The following SLC51B variants were observed in gnomAD, a reference collection of about 807,000 sequenced individuals.
SLC51B encodes the protein organic solute transporter subunit beta.
In SLC51B, 6 loss-of-function variants were observed where a neutral mutation model predicts 8.0. The observed-to-expected ratio is 0.75, with a 90% CI of 0.41 to 1.48. The LOEUF (loss-of-function observed/expected upper bound fraction) is 1.48. SLC51B is among the 40% of genes most tolerant of loss of function. The pLI is 0.01. For missense variants in SLC51B, 150 were observed against 149.7 expected, an observed-to-expected ratio of 1.00 and a Z score of -0.01; for synonymous variants, 61 against 54.8, an observed-to-expected ratio of 1.11 and a Z score of -0.50.
At chr15:65,046,542 C>T (rs562475159) in intron 1 of SLC51B, among the ~76,000 whole-genome samples, 123 of 152,248 alleles carry the variant, frequency 8.1e-4, no homozygotes, top group African/African-American at 2.9e-3. Flanking sequence ...ACTCTCGGTT[C>T]TGGATTTGTA....
At chr15:65,052,259 G>A (rs1036493580) in intron 3 of SLC51B, among the ~76,000 whole-genome samples, 1 of 152,166 alleles carries the variant, frequency 6.6e-6, no homozygotes, top group African/African-American at 2.4e-5. Flanking sequence ...AGTAGTGTGA[G>A]GGATGAGGTG....
Position 65,053,232 on chromosome 15 carries a change from C to T in SLC51B, c.*68C>T. 6.4e-7 allele frequency: 1 copy of T among 1,561,618 alleles called. No individual in the cohort carries two copies. Among genetic ancestry groups the T allele is most frequent in the Non-Finnish European group, 8.6e-7 (1 of 1,158,894 alleles). On this transcript the variant is annotated 3_prime_UTR_variant, in exon 4 of 4. Transcript: ENST00000334287. ...TGGGCTCAGCTCAGTGGCCTGAAAC[C>T]TCTCAGGTTTTAGAGTCTCTCCCAA...
rs113085298 is a variant in SLC51B at position 65,048,061 on chromosome 15, C to T, written c.-108-1836C>T. Among the ~76,000 whole-genome samples the T allele has an allele frequency of 1.4e-3, 217 of 152,086 alleles. 1 individual carries two copies. The highest frequency in any genetic ancestry group is 2.0e-3 in the Non-Finnish European group (137 of 67,990). On this transcript the variant is annotated intron_variant, in intron 1 of 3. Transcript: ENST00000334287. ...TGGCGTGGTGGCATGCCCTGTAGTCCCACTACTTGGGAGGCAGAGGCACAA... is the reference window on the plus strand; with the variant it reads ...TGGCGTGGTGGCATGCCCTGTAGTCTCACTACTTGGGAGGCAGAGGCACAA...
intron 1 of SLC51B, chr15:65,049,229 G>A (rs1361221919): frequency 6.6e-6 from 1 of 151,104 alleles, no homozygotes; most frequent in African/African-American, 2.4e-5. Context: ...TAATAGTTGG[G>A]ATGGAAATAG....
chr15:65,050,833 C>CTTTTTTTTTTTTTTTTTTTTT (rs67418433), intron 2 of SLC51B, among the ~76,000 whole-genome samples: 83 of 88,604 alleles, frequency 9.4e-4, no homozygotes, highest in Non-Finnish European at 1.2e-3. Flanking sequence ...TCTTCTTCTT[C>CTTTTTTTTTTTTTTTTTTTTT]TTCTTTTTTT....
At chr15:65,050,982 T>C (rs2086646679) in intron 2 of SLC51B, among the ~76,000 whole-genome samples, 1 of 151,932 alleles carries the variant, frequency 6.6e-6, no homozygotes, top group South Asian at 2.1e-4. Flanking sequence ...GTAGCTGGGA[T>C]TACAGTGTAT....
intron 1 of SLC51B, among the ~76,000 whole-genome samples, chr15:65,048,386 G>A (rs1391272751): frequency 6.6e-6 from 1 of 152,150 alleles, no homozygotes; most frequent in Non-Finnish European, 1.5e-5. Context: ...AAACTCTGAT[G>A]TAAAGCTAGT....
intron 2 of SLC51B, 71 bp from the exon 3 acceptor site, chr15:65,051,444 C>T (rs1595900901): frequency 1.4e-6 from 2 of 1,439,788 alleles, no homozygotes; most frequent in Non-Finnish European, 2.0e-6. Context: ...TGAGCCCAGG[C>T]CCCAGCTGTT....
At chr15:65,045,931 C>G (rs1450921720) in intron 1 of SLC51B, among the ~76,000 whole-genome samples, 4 of 152,150 alleles carry the variant, frequency 2.6e-5, no homozygotes, top group African/African-American at 9.7e-5. Context: ...TTTTGGAGGC[C>G]GAGGCAGGCC....
intron 1 of SLC51B, among the ~76,000 whole-genome samples, chr15:65,046,596 C>T (rs2414870): frequency 0.89 from 135,536 of 152,310 alleles, 60,407 homozygotes; most frequent in East Asian, 0.99. Flanking sequence ...TATGTGTTTA[C>T]TGTAACAATA....
At position 65,052,953 on chromosome 15, in the gene SLC51B, C is replaced by T. The variant is rs936914948; in HGVS notation, c.189-13C>T. 1 of 1,541,506 alleles carries T rather than the reference C, an allele frequency of 6.5e-7. No homozygotes were observed. The highest frequency in any genetic ancestry group is 8.8e-7 in the Non-Finnish European group (1 of 1,135,728). ...TCAGCCCCCCTCATTAACACTGTTC[C>T]CTGTCCCCCCAGAAAAGAAAAGATG... is the stretch of plus-strand genomic sequence containing the variant. On this transcript the variant is annotated splice_polypyrimidine_tract_variant and intron_variant, in intron 3 of 3. Coordinates refer to ENST00000334287, the MANE Select transcript of SLC51B (RefSeq NM_178859.4).
At chr15:65,052,156 G>A (rs2086662176) in intron 3 of SLC51B, among the ~76,000 whole-genome samples, 1 of 152,294 alleles carries the variant, frequency 6.6e-6, no homozygotes, top group African/African-American at 2.4e-5. Context: ...ATGTGTACAC[G>A]ATGGGGTTTT....
chr15:65,050,849 TTTTTGCC>T (rs2086643792), intron 2 of SLC51B, among the ~76,000 whole-genome samples: 1 of 146,156 alleles, frequency 6.8e-6, no homozygotes, highest in Non-Finnish European at 1.5e-5. Flanking sequence ...TTTTTTTTTT[TTTTTGCC>T]TTTTTTTTGA....
intron 3 of SLC51B, 80 bp downstream of exon 3, chr15:65,051,685 G>A (rs1566951097): frequency 7.4e-7 from 1 of 1,355,524 alleles, no homozygotes; most frequent in Non-Finnish European, 1.0e-6. Context: ...TCTAGAGAGG[G>A]GTCACTTAGG....
chr15:65,047,964 A>G (rs2086599097), intron 1 of SLC51B, among the ~76,000 whole-genome samples: 1 of 152,118 alleles, frequency 6.6e-6, no homozygotes, highest in Non-Finnish European at 1.5e-5. Flanking sequence ...GGATTACCTG[A>G]TGTCACGAGT....
At position 65,053,170 on chromosome 15, in the gene SLC51B, G is replaced by T. The variant is rs755993629; in HGVS notation, c.*6G>T. On this transcript the variant is annotated 3_prime_UTR_variant, in exon 4 of 4. Transcript: ENST00000334287. ...TACCAGAAACTGAGAGCTAGTGAGG[G>T]TTCAGAGAAGCCCCATCCTAAGCCA... The T allele has an allele frequency of 6.2e-7, 1 of 1,613,436 alleles. No homozygotes were observed. The highest frequency in any genetic ancestry group is 8.5e-7 in the Non-Finnish European group (1 of 1,180,002).
intron 1 of SLC51B, among the ~76,000 whole-genome samples, chr15:65,046,313 A>AGAAATATGTCGCTTGTTTC (rs2086576828): frequency 6.6e-6 from 1 of 152,014 alleles, no homozygotes; most frequent in Non-Finnish European, 1.5e-5. Flanking sequence ...AAATAAATAA[A>AGAAATATGTCGCTTGTTTC]TACAAAATTA....
At chr15:65,052,104 T>A (rs554451634) in intron 3 of SLC51B, among the ~76,000 whole-genome samples, 1 of 152,096 alleles carries the variant, frequency 6.6e-6, no homozygotes, top group Non-Finnish European at 1.5e-5. Context: ...ATTAAGGAAG[T>A]GGGCAGTGGG....
chr15:65,048,101 G>C (rs1423673996), intron 1 of SLC51B, among the ~76,000 whole-genome samples: 2 of 151,660 alleles, frequency 1.3e-5, no homozygotes, highest in East Asian at 3.9e-4. Context: ...GAACCGCTTG[G>C]ACCCAGGAGG....
Sources: gnomAD v4.1 joint callset for allele counts (sites outside exome capture counted in the v4.1 genomes callset) on GRCh38, gnomAD v4.1.1 for gene constraint, MANE v1.5 for transcripts, NCBI Gene and HGNC (gene_info 2026-07-23, HGNC 2026-07-21) for gene names.